The following DAGLB variants were observed in gnomAD, a reference collection of about 807,000 sequenced individuals.
The protein encoded by DAGLB is diacylglycerol lipase-beta.
In DAGLB, 66 loss-of-function variants were observed where a neutral mutation model predicts 72.1. That is an observed-to-expected ratio of 0.92 (90% confidence interval 0.75 to 1.12). DAGLB has a LOEUF of 1.12. Among genes scored for constraint, DAGLB ranks in the 50% most tolerant of loss-of-function variants. The pLI, the probability that DAGLB is intolerant of heterozygous loss-of-function variation, is 0.00. For missense variants in DAGLB, 1,065 were observed against 884.9 expected (o/e 1.20, Z -2.58); for synonymous variants, 414 against 359.5 (o/e 1.15, Z -1.71).
At chr7:6,417,026 T>A in intron 9 of DAGLB, 105 bp from the exon 10 acceptor site, 1 of 1,322,476 alleles carries the variant, frequency 7.6e-7, no homozygotes, top group Non-Finnish European at 1.1e-6. Context: ...GAGTCTCTCC[T>A]GGGATCTGAG....
At position 6,430,507 on chromosome 7, in the gene DAGLB, G is replaced by A. The variant is rs370961036; in HGVS notation, c.902C>T (p.Thr301Met). Residue 301 changes from threonine (T) to methionine (M), a missense_variant, in exon 6 of 15, where the codon ACG becomes ATG. Thr to Met is a moderately conservative substitution (Grantham distance 81, BLOSUM62 -1). Transcript: ENST00000297056. ...WPLYIYRNPL[T>M]GLCRIGGDCC... ...GTCACCACCAATCCTGCACAGCCCC[G>A]TGAGGGGGTTTCTGTAGATGTAGAG... 21 of 1,596,864 alleles carry A rather than the reference G, an allele frequency of 1.3e-5. No homozygotes were observed. The highest frequency in any genetic ancestry group is 3.4e-5 in the Admixed American group (2 of 59,096).
intron 7 of DAGLB, 52 bp from the exon 8 acceptor site, chr7:6,424,887 G>C: frequency 1.3e-6 from 2 of 1,582,768 alleles, no homozygotes; most frequent in African/African-American, 1.3e-5. Context: ...ACACGCACCA[G>C]CACGCAAAGT....
At chr7:6,447,387 A>G (rs1482487779) in intron 1 of DAGLB, among the ~76,000 whole-genome samples, 2 of 152,140 alleles carry the variant, frequency 1.3e-5, no homozygotes, top group African/African-American at 4.8e-5. Context: ...CCGCCTCAAG[A>G]AAGGAGAACT....
chr7:6,411,670 T>G (rs746299249), intron 13 of DAGLB, among the ~76,000 whole-genome samples: 2 of 152,082 alleles, frequency 1.3e-5, no homozygotes, highest in African/African-American at 2.4e-5. Context: ...AAATTTAAAT[T>G]GCGTTTCTTC....
At chr7:6,441,886 C>T (rs1454600724) in intron 2 of DAGLB, among the ~76,000 whole-genome samples, 4 of 152,100 alleles carry the variant, frequency 2.6e-5, no homozygotes, top group African/African-American at 9.7e-5. Flanking sequence ...CACAATGACT[C>T]GAGCGACTGA....
intron 2 of DAGLB, 31 bp downstream of exon 2, chr7:6,445,922 T>C: frequency 6.4e-7 from 1 of 1,556,132 alleles, no homozygotes; most frequent in Non-Finnish European, 8.7e-7. Context: ...TATAAAAAAA[T>C]AGGTATCAAA....
rs754484041 is a variant in DAGLB at position 6,447,849 on chromosome 7, G to C, written c.-7C>G. ...AGAGTACCATCCCCGGCATGGCGAA[G>C]GTCCCGTAGCTCGCACTCAGGAGAG... On this transcript the variant is annotated 5_prime_UTR_variant, in exon 1 of 15. Transcript: ENST00000297056. The C allele has an allele frequency of 4.4e-6, 7 of 1,608,392 alleles. No individual in the cohort carries two copies. The Admixed American group carries it at 1.0e-4, about 23-fold the overall frequency.
Position 6,436,277 on chromosome 7 carries a change from C to T in DAGLB, c.419+85G>A, listed in dbSNP as rs964702070. The T allele has an allele frequency of 6.7e-6, 10 of 1,493,928 alleles. No individual in the cohort carries two copies. The African/African-American group carries it at 7.1e-5, about 11-fold the overall frequency. 92.5% of individuals were successfully genotyped at this position (1,493,928 alleles called of 1,614,324 possible). On this transcript the variant is annotated intron_variant, in intron 3 of 14. Coordinates refer to ENST00000297056, the MANE Select transcript of DAGLB (RefSeq NM_139179.4). ...TAACTATTTGAGGAAGTCCGAGGGA[C>T]GCTGGACTCTCTGTCATGTTAGAAG...
chr7:6,416,859 T>C lies in DAGLB; in HGVS notation c.1281A>G (p.Gln427=). 6.2e-7 allele frequency: 1 copy of C among 1,614,248 alleles called. No individual in the cohort carries two copies. ...ATCTCACAGGAGCAATGCTGAAGGC[T>C]TGGCTCAAAATCCCGTCGTTGATGA... ...QRLINDGILS[Q]AFSIAPEYRL... The change falls in exon 10 of 15, where the codon CAA becomes CAG. Residue 427 remains glutamine, a synonymous_variant. Transcript: ENST00000297056.
chr7:6,411,768 C>G (rs998724847), intron 13 of DAGLB, among the ~76,000 whole-genome samples: 1 of 152,178 alleles, frequency 6.6e-6, no homozygotes, highest in African/African-American at 2.4e-5. Flanking sequence ...CTAAACAAAA[C>G]CACCCTTGGC....
intron 9 of DAGLB, among the ~76,000 whole-genome samples, chr7:6,420,638 T>A (rs836513): frequency 0.61 from 92,881 of 151,906 alleles, 31,574 homozygotes; most frequent in East Asian, 0.91. Context: ...GGACACGGGT[T>A]CACGGCACTG....
rs370672193 is a variant in DAGLB at position 6,426,020 on chromosome 7, T to G, written c.1024A>C (p.Arg342=). The G allele has an allele frequency of 6.2e-7, 1 of 1,614,040 alleles. No individual in the cohort carries two copies. The highest frequency in any genetic ancestry group is 8.5e-7 in the Non-Finnish European group (1 of 1,180,022). ...TGGAAGCTGACGTGGATGAAGTCCCTGTACTGCAGCCCTGTGGTGTGCAGG... is the reference window on the plus strand; with the variant it reads ...TGGAAGCTGACGTGGATGAAGTCCCGGTACTGCAGCCCTGTGGTGTGCAGG... ...SILHTTGLQY[R]DFIHVSFHDK... is the part of the protein sequence containing the mutation. The change falls in exon 7 of 15, where the codon AGG becomes CGG. Residue 342 remains arginine, a synonymous_variant. Coordinates refer to ENST00000297056, the MANE Select transcript of DAGLB (RefSeq NM_139179.4).
intron 6 of DAGLB, among the ~76,000 whole-genome samples, chr7:6,428,332 AAAAG>A (rs1233174903): frequency 1.2e-4 from 18 of 150,434 alleles, no homozygotes; most frequent in Admixed American, 4.0e-4. Context: ...AAAAAAAAAA[AAAAG>A]AAAGAAAGAA....
chr7:6,430,437 T>A (rs749809738), intron 6 of DAGLB, 43 bp downstream of exon 6: 2 of 1,417,186 alleles, frequency 1.4e-6, no homozygotes, highest in Non-Finnish European at 1.9e-6. Context: ...CTTTTTTTTT[T>A]AAGGGAAATA....
intron 2 of DAGLB, among the ~76,000 whole-genome samples, chr7:6,441,548 G>C (rs2115295746): frequency 6.6e-6 from 1 of 150,812 alleles, no homozygotes; most frequent in Admixed American, 6.6e-5. Context: ...CTCCCGAGTA[G>C]GTGTGACTAC....
chr7:6,442,347 G>T (rs1215791810), intron 2 of DAGLB, among the ~76,000 whole-genome samples: 1 of 152,070 alleles, frequency 6.6e-6, no homozygotes, highest in Non-Finnish European at 1.5e-5. Context: ...CATTGTACGA[G>T]TGTCTAGGAA....
intron 3 of DAGLB, 45 bp downstream of exon 3, chr7:6,436,317 T>G (rs1350296547): frequency 1.3e-6 from 2 of 1,573,410 alleles, no homozygotes; most frequent in African/African-American, 2.7e-5. Context: ...TGTTCACCTA[T>G]GCCTCAAATC....
At chr7:6,418,728 G>A (rs188328442) in intron 9 of DAGLB, among the ~76,000 whole-genome samples, 25 of 151,436 alleles carry the variant, frequency 1.7e-4, no homozygotes, top group African/African-American at 5.6e-4. Flanking sequence ...TCAGTGGCTC[G>A]ATCTCGGCTC....
chr7:6,417,158 G>A, intron 9 of DAGLB: 1 of 490,394 alleles, frequency 2.0e-6, no homozygotes, highest in African/African-American at 2.0e-5. Context: ...CACTTAGGGA[G>A]GCCAAGGCAG....
Sources: allele counts gnomAD v4.1 joint callset (sites outside exome capture counted in the v4.1 genomes callset), GRCh38; gene constraint gnomAD v4.1.1; transcripts MANE v1.5; gene names NCBI Gene and HGNC (gene_info 2026-07-23, HGNC 2026-07-21).